The following AP1M1 variants were observed in gnomAD, a reference collection of about 807,000 sequenced individuals.
The protein encoded by AP1M1 is adaptor related protein complex 1 subunit mu 1.
A neutral mutation model predicts 57.1 loss-of-function variants in AP1M1; 18 were observed. That is an observed-to-expected ratio of 0.32 (90% CI 0.22 to 0.47). The LOEUF is 0.47. Ranked by LOEUF, AP1M1 falls within the 20% of genes least tolerant of loss-of-function variation. AP1M1 has a pLI of 1.00. For synonymous variants in AP1M1, 241 were observed against 237.9 expected (o/e 1.01, Z -0.12); for missense variants, 362 against 593.5 (o/e 0.61, Z 4.05).
chr19:16,207,385 G>A lies in AP1M1; in HGVS notation c.268-634G>A, dbSNP rs1312678165. 1.3e-5 allele frequency among the ~76,000 whole-genome samples: 2 copies of A among 152,044 alleles called. No individual in the cohort carries two copies. The highest frequency in any genetic ancestry group is 2.9e-5 in the Non-Finnish European group (2 of 67,984). ...GTCACAGGCAGGGCTGGGCCTGGCT[G>A]TGCTGCCTGTGGTTTCCAAGCAGAG... On this transcript the variant is annotated intron_variant, in intron 3 of 11. Transcript: ENST00000291439. This position sits in a 1 kb window ranked among gnomAD's most constrained non-coding sequence, Gnocchi z 4.2.
At chr19:16,222,202 A>ATTTT (rs1406563931) in intron 5 of AP1M1, among the ~76,000 whole-genome samples, 12 of 57,610 alleles carry the variant, frequency 2.1e-4, no homozygotes, top group African/African-American at 5.0e-4. Flanking sequence ...TATTACTATT[A>ATTTT]TTATTATTAT....
Position 16,206,286 on chromosome 19 carries a change from C to T in AP1M1, c.200-55C>T, listed in dbSNP as rs2091469071. ...AGGGGGTCCCTCCATGAACCAGGAT[C>T]TTCCAGGCAGCAGCCCCAGCCTCTG... On this transcript the variant is annotated intron_variant, in intron 2 of 11. Transcript: ENST00000291439. The surrounding 1 kb of genome is among the most constrained non-coding windows in gnomAD (Gnocchi z 4.3). 1.3e-5 allele frequency: 20 copies of T among 1,584,944 alleles called. No homozygotes were observed. The highest frequency in any genetic ancestry group is 1.6e-5 in the Non-Finnish European group (19 of 1,154,354).
At position 16,220,622 on chromosome 19, in the gene AP1M1, C is replaced by T. The variant is rs532793535; in HGVS notation, c.547-5799C>T. ...GCTGGGCTGGTCACAAATTCCTGAC[C>T]TCAAGTGATCTGCTCACCCCGGCCT... On this transcript the variant is annotated intron_variant, in intron 5 of 11. Coordinates refer to ENST00000291439, the MANE Select transcript of AP1M1 (RefSeq NM_032493.4). 3.9e-5 allele frequency among the ~76,000 whole-genome samples: 6 copies of T among 152,228 alleles called. No individual in the cohort carries two copies. The South Asian group carries it at 8.3e-4, about 21-fold the overall frequency.
At chr19:16,201,304 A>T (rs1482169607) in intron 1 of AP1M1, among the ~76,000 whole-genome samples, 1 of 151,480 alleles carries the variant, frequency 6.6e-6, no homozygotes, top group Non-Finnish European at 1.5e-5. Context: ...TAAATGTTTA[A>T]TGCACCAGGT....
chr19:16,208,458 C>T (rs1284915292), intron 4 of AP1M1, among the ~76,000 whole-genome samples: 2 of 152,136 alleles, frequency 1.3e-5, no homozygotes, highest in African/African-American at 2.4e-5. Flanking sequence ...AGACTGTGAT[C>T]GAAATCTCCC....
At chr19:16,209,994 C>A (rs144384220) in intron 5 of AP1M1, among the ~76,000 whole-genome samples, 1 of 152,200 alleles carries the variant, frequency 6.6e-6, no homozygotes, top group Non-Finnish European at 1.5e-5. Flanking sequence ...CCCTCTTCCC[C>A]ATTTCCTGGC....
At chr19:16,219,079 TA>T (rs35554066) in intron 5 of AP1M1, among the ~76,000 whole-genome samples, 1 of 148,490 alleles carries the variant, frequency 6.7e-6, no homozygotes, top group Admixed American at 6.8e-5. Context: ...TTTTTTTTTT[TA>T]ATCATGCGTG....
chr19:16,210,501 T>C, intron 5 of AP1M1: 1 of 667,246 alleles, frequency 1.5e-6, no homozygotes, highest in South Asian at 1.6e-5. Context: ...TTGTCAGTAG[T>C]TTTATTTTTG....
chr19:16,228,821 A>G lies in AP1M1; in HGVS notation c.940A>G (p.Ile314Val), dbSNP rs767655492. The change falls in exon 9 of 12, where the codon ATT becomes GTT. Residue 314 changes from isoleucine (I) to valine (V), a missense_variant. Physicochemically the swap from Ile to Val is conservative, Grantham distance 29. Coordinates refer to ENST00000291439, the MANE Select transcript of AP1M1 (RefSeq NM_032493.4). This position sits in a 1 kb window ranked among gnomAD's most constrained non-coding sequence, Gnocchi z 5.0. ...AACAGCCAACAACGTGGAGATCCAC[A>G]TTCCCGTGCCCAATGATGCCGACTC... The part of the protein sequence containing the change: ...RSTANNVEIH[I>V]PVPNDADSPK... The G allele has an allele frequency of 5.0e-6, 8 of 1,614,038 alleles. No homozygotes were observed. In the Admixed American group the frequency reaches 1.2e-4, roughly 24 times the overall value.
At position 16,198,024 on chromosome 19, in the gene AP1M1, A is replaced by G. The variant is rs1014872652; in HGVS notation, c.-3A>G. 1.4e-6 allele frequency: 2 copies of G among 1,435,880 alleles called. No individual in the cohort carries two copies. Among genetic ancestry groups the G allele is most frequent in the Non-Finnish European group, 1.8e-6 (2 of 1,095,246 alleles). 88.9% of individuals were successfully genotyped at this position (1,435,880 alleles called of 1,614,324 possible). A position where few individuals can be genotyped will look rare whatever the true frequency, so the allele number is the denominator to read the frequency against. ...GCCGCTGCCGAGGCCTCCTGCAGCC[A>G]TCATGTCCGCCAGCGCCGTCTACGT... On this transcript the variant is annotated 5_prime_UTR_variant, in exon 1 of 12. Transcript: ENST00000291439.
In AP1M1 at chr19:16,237,163, G is replaced by A. The variant is rs779659076; in HGVS notation, c.*2728G>A. The stretch of plus-strand genomic sequence containing the variant: ...AATGGCGACCGTTCGGCCAGGCGTG[G>A]TGGCTCACGCCCGTGAGCCCAATAC... On this transcript the variant is annotated 3_prime_UTR_variant, in exon 12 of 12. Coordinates refer to ENST00000291439, the MANE Select transcript of AP1M1 (RefSeq NM_032493.4). 3 of 152,242 alleles carry A rather than the reference G, an allele frequency of 2.0e-5. No individual in the cohort carries two copies. The highest frequency in any genetic ancestry group is 4.4e-5 in the Non-Finnish European group (3 of 68,048). 9.4% of individuals were successfully genotyped at this position (152,242 alleles called of 1,614,324 possible).
rs958932567 is a variant in AP1M1, at chr19:16,227,951, C to G, written c.817-186C>G. 6.6e-6 allele frequency among the ~76,000 whole-genome samples: 1 copy of G among 152,232 alleles called. No homozygotes were observed. Among genetic ancestry groups the G allele is most frequent in the South Asian group, 2.1e-4 (1 of 4,836 alleles). ...TTCTGCATTTGCCCCAAGGCCTCCC[C>G]GGTAGCTCCCGGCTACCTCGGCCTG... On this transcript the variant is annotated intron_variant, in intron 7 of 11. Coordinates refer to ENST00000291439, the MANE Select transcript of AP1M1 (RefSeq NM_032493.4). The surrounding 1 kb of genome is among the most constrained non-coding windows in gnomAD (Gnocchi z 6.2).
intron 2 of AP1M1, among the ~76,000 whole-genome samples, chr19:16,205,584 G>T (rs2091466151): frequency 6.6e-6 from 1 of 152,160 alleles, no homozygotes; most frequent in Non-Finnish European, 1.5e-5. Flanking sequence ...GAGCCAGGCA[G>T]CACAGATGTG....
At chr19:16,210,327 T>C in intron 5 of AP1M1, 2 of 715,204 alleles carry the variant, frequency 2.8e-6, no homozygotes, top group Non-Finnish European at 5.2e-6. Flanking sequence ...CGTGTCCAGG[T>C]TTATGTGTGG....
chr19:16,209,315 A>G (rs1176374345), intron 5 of AP1M1, 138 bp downstream of exon 5: 4 of 941,098 alleles, frequency 4.3e-6, no homozygotes, highest in Non-Finnish European at 6.3e-6. Context: ...TGGGCCACTC[A>G]TTGAAATGTG....
At chr19:16,214,399 T>G (rs2091509041) in intron 5 of AP1M1, among the ~76,000 whole-genome samples, 1 of 133,604 alleles carries the variant, frequency 7.5e-6, no homozygotes, top group Admixed American at 8.3e-5. Context: ...TCACCCAGGC[T>G]GGAGTGCAAT....
At chr19:16,210,422 A>G in intron 5 of AP1M1, 1 of 717,648 alleles carries the variant, frequency 1.4e-6, no homozygotes, top group Admixed American at 2.0e-5. Flanking sequence ...CTTTATAAGA[A>G]ACTGCCAAAC....
intron 5 of AP1M1, among the ~76,000 whole-genome samples, chr19:16,223,721 G>A (rs949312865): frequency 2.7e-4 from 41 of 152,200 alleles, no homozygotes; most frequent in Non-Finnish European, 1.6e-4. Flanking sequence ...GCACTTTCTC[G>A]TGGGGGGCGG....
chr19:16,234,024 C>T, intron 10 of AP1M1, 175 bp from the exon 11 acceptor site: 1 of 642,248 alleles, frequency 1.6e-6, no homozygotes, highest in Non-Finnish European at 2.6e-6. Flanking sequence ...GGCGGCTCTG[C>T]CCTCCCACAC....
Sources: allele counts gnomAD v4.1 joint callset (sites outside exome capture counted in the v4.1 genomes callset), GRCh38; gene constraint gnomAD v4.1.1; non-coding constraint Gnocchi (gnomAD v3.1); transcripts MANE v1.5; gene names NCBI Gene and HGNC (gene_info 2026-07-23, HGNC 2026-07-21).